Variants in PARP11 observed in about 807,000 individuals in gnomAD.
PARP11 encodes poly(ADP-ribose) polymerase family member 11.
A neutral mutation model predicts 42.9 loss-of-function variants in PARP11; 31 were observed. That is an observed-to-expected ratio of 0.72 (90% CI 0.54 to 0.98). The LOEUF (loss-of-function observed/expected upper bound fraction) is 0.98, where lower values mean the gene tolerates loss of function less well. PARP11 is among the 50% of genes least tolerant of loss of function. The pLI is 0.00. For synonymous variants in PARP11, 137 were observed against 127.3 expected, an observed-to-expected ratio of 1.08 and a Z score of -0.51; for missense variants, 365 against 413.1, an observed-to-expected ratio of 0.88 and a Z score of 1.01.
At chr12:3,864,358 G>C (rs953143406) in intron 1 of PARP11, among the ~76,000 whole-genome samples, 2 of 152,198 alleles carry the variant, frequency 1.3e-5, no homozygotes, top group African/African-American at 4.8e-5. Flanking sequence ...AATTGTGCAT[G>C]TATGTTCATG....
chr12:3,828,998 A>G lies in PARP11; in HGVS notation c.180T>C (p.Ser60=), dbSNP rs905530570. ...PDTNSQCSVS[S]EDIEKSFKTN... is the part of the protein sequence containing the mutation. ...TTTTGAAGCTTTTTTCGATATCTTC[A>G]CTGCTAACTGAACACTGACTGTTGG... Residue 60 remains serine (S), a synonymous_variant, in exon 3 of 8, where the codon AGT becomes AGC. Coordinates refer to ENST00000228820, the MANE Select transcript of PARP11 (RefSeq NM_020367.6). The G allele has an allele frequency of 6.2e-7, 1 of 1,613,940 alleles. No homozygotes were observed. The highest frequency in any genetic ancestry group is 1.3e-5 in the African/African-American group (1 of 74,924).
chr12:3,832,840 T>C (rs1275384256), intron 1 of PARP11, among the ~76,000 whole-genome samples: 2 of 152,204 alleles, frequency 1.3e-5, no homozygotes, highest in Non-Finnish European at 2.9e-5. Context: ...TTCCTGTTTG[T>C]AATTAGAAGC....
At chr12:3,846,274 T>TA (rs879620080) in intron 1 of PARP11, among the ~76,000 whole-genome samples, 89 of 144,590 alleles carry the variant, frequency 6.2e-4, no homozygotes, top group African/African-American at 1.2e-3. Flanking sequence ...TGCATATATT[T>TA]AAAAAAAAAA....
In PARP11 at chr12:3,840,263, G is replaced by T. The variant is rs1947857780; in HGVS notation, c.19-10245C>A. The T allele has an allele frequency of 6.2e-7, 1 of 1,613,602 alleles. No individual in the cohort carries two copies. The highest frequency in any genetic ancestry group is 1.3e-5 in the African/African-American group (1 of 74,928). On this transcript the variant is annotated intron_variant, in intron 1 of 7. Transcript: ENST00000228820. The surrounding 1 kb of genome is among the most constrained non-coding windows in gnomAD (Gnocchi z 4.4). Reference sequence around the variant, plus strand: ...GGACCAGTTTTGGTTGAAGAACTGGGAAAGTACACATCAAAGAACCTCAAG... The same window carrying T: ...GGACCAGTTTTGGTTGAAGAACTGGTAAAGTACACATCAAAGAACCTCAAG...
chr12:3,824,510 A>T (rs1947474721), intron 4 of PARP11: 1 of 288,274 alleles, frequency 3.5e-6, no homozygotes, highest in Non-Finnish European at 5.2e-6. Context: ...TAAATGCTCA[A>T]TGTATTCCCA....
intron 1 of PARP11, among the ~76,000 whole-genome samples, chr12:3,848,011 A>T (rs1379614582): frequency 1.3e-5 from 2 of 152,218 alleles, no homozygotes; most frequent in African/African-American, 4.8e-5. Context: ...GCATTTATAC[A>T]TGCCAAGAGC....
chr12:3,822,590 C>T (rs1340965136), intron 4 of PARP11, among the ~76,000 whole-genome samples: 2 of 138,814 alleles, frequency 1.4e-5, no homozygotes, highest in African/African-American at 5.6e-5. Flanking sequence ...CAGGGCGAGA[C>T]TCCGTCTCAA....
At position 3,812,106 on chromosome 12, in the gene PARP11, G is replaced by A. The variant is rs376688161; in HGVS notation, c.*17C>T. ...AAAGAATAAAGCTTCCTTGACCACC[G>A]AGATTTGGAAGTGAAATCAATGAAA... On this transcript the variant is annotated 3_prime_UTR_variant, in exon 8 of 8. Transcript: ENST00000228820. The A allele has an allele frequency of 2.5e-5, 39 of 1,562,084 alleles. No individual in the cohort carries two copies. The highest frequency in any genetic ancestry group is 3.1e-5 in the Non-Finnish European group (36 of 1,153,018).
rs1452141194 is a variant in PARP11 at position 3,840,315 on chromosome 12, A to G, written c.19-10297T>C. 6.2e-7 allele frequency: 1 copy of G among 1,614,216 alleles called. No homozygotes were observed. The highest frequency in any genetic ancestry group is 8.5e-7 in the Non-Finnish European group (1 of 1,179,996). ...CACCTCCCCCAGAAAGCTGGAACAC[A>G]GTGTCAGGGAAGAAGATGAAAAAAC... On this transcript the variant is annotated intron_variant, in intron 1 of 7. Transcript: ENST00000228820. This position sits in a 1 kb window ranked among gnomAD's most constrained non-coding sequence, Gnocchi z 4.4.
At position 3,840,301 on chromosome 12, in the gene PARP11, G is replaced by C; in HGVS notation, c.19-10283C>G. On this transcript the variant is annotated intron_variant, in intron 1 of 7. Coordinates refer to ENST00000228820, the MANE Select transcript of PARP11 (RefSeq NM_020367.6). This position sits in a 1 kb window ranked among gnomAD's most constrained non-coding sequence, Gnocchi z 4.4. ...AAAGAACCTCAAGGCACCTCCCCCA[G>C]AAAGCTGGAACACAGTGTCAGGGAA... is the stretch of plus-strand genomic sequence containing the variant. 3 of 1,614,160 alleles carry C rather than the reference G, an allele frequency of 1.9e-6. No homozygotes were observed. Among genetic ancestry groups the C allele is most frequent in the Non-Finnish European group, 2.5e-6 (3 of 1,180,004 alleles).
intron 1 of PARP11, among the ~76,000 whole-genome samples, chr12:3,862,324 G>A (rs1948307762): frequency 6.6e-6 from 1 of 151,954 alleles, no homozygotes; most frequent in Non-Finnish European, 1.5e-5. Flanking sequence ...ATGGTAGCAT[G>A]CACCTGTAGT....
At chr12:3,848,487 C>G (rs1016958069) in intron 1 of PARP11, among the ~76,000 whole-genome samples, 5 of 152,004 alleles carry the variant, frequency 3.3e-5, no homozygotes, top group Admixed American at 3.3e-4. Flanking sequence ...AATAGAGAAC[C>G]CAGATATAAA....
At chr12:3,826,059 T>C (rs893391482) in intron 4 of PARP11, 99 bp downstream of exon 4, 1 of 715,624 alleles carries the variant, frequency 1.4e-6, no homozygotes, top group South Asian at 2.0e-5. Flanking sequence ...ATCAATATTA[T>C]TAAATGACCT....
At chr12:3,859,859 T>C (rs80164279) in intron 1 of PARP11, among the ~76,000 whole-genome samples, 1 of 152,122 alleles carries the variant, frequency 6.6e-6, no homozygotes, top group Non-Finnish European at 1.5e-5. Flanking sequence ...AAAAGTAGGG[T>C]CATTTTATCA....
At chr12:3,820,526 T>C (rs1309002932) in intron 6 of PARP11, among the ~76,000 whole-genome samples, 1 of 152,224 alleles carries the variant, frequency 6.6e-6, no homozygotes, top group African/African-American at 2.4e-5. Flanking sequence ...TTGGAATTCT[T>C]AGTATAAAAT....
intron 1 of PARP11, chr12:3,832,092 G>T: frequency 1.1e-6 from 1 of 925,684 alleles, no homozygotes; most frequent in Non-Finnish European, 1.3e-6. Flanking sequence ...TAACATGTGT[G>T]CTCCGCTATA....
intron 1 of PARP11, among the ~76,000 whole-genome samples, chr12:3,864,725 T>C (rs901750999): frequency 1.3e-5 from 2 of 152,322 alleles, no homozygotes; most frequent in South Asian, 2.1e-4. Context: ...TATTATCCTT[T>C]TAATGTCTTT....
intron 1 of PARP11, among the ~76,000 whole-genome samples, chr12:3,846,693 C>T (rs1948005380): frequency 6.6e-6 from 1 of 151,132 alleles, no homozygotes; most frequent in Non-Finnish European, 1.5e-5. Context: ...GGAGGCAGAG[C>T]TTGCAGTGAG....
intron 1 of PARP11, among the ~76,000 whole-genome samples, chr12:3,846,643 G>A (rs1307126953): frequency 2.0e-5 from 3 of 151,854 alleles, no homozygotes; most frequent in Non-Finnish European, 4.4e-5. Context: ...TGTAGTCCCA[G>A]CTACTCGGGA....
Sources: gnomAD v4.1 joint callset for allele counts (sites outside exome capture counted in the v4.1 genomes callset) on GRCh38, gnomAD v4.1.1 for gene constraint, Gnocchi (gnomAD v3.1) non-coding constraint, MANE v1.5 for transcripts, NCBI Gene and HGNC (gene_info 2026-07-23, HGNC 2026-07-21) for gene names.